Variants in PPP2R5C observed in about 807,000 individuals in gnomAD.
PPP2R5C encodes the protein serine/threonine-protein phosphatase 2A 56 kDa regulatory subunit gamma isoform.
A neutral mutation model predicts 68.9 loss-of-function variants in PPP2R5C; 7 were observed. That is an observed-to-expected ratio of 0.10 (90% CI 0.06 to 0.19). The LOEUF (loss-of-function observed/expected upper bound fraction) is 0.19, where lower values mean the gene tolerates loss of function less well. PPP2R5C is among the 10% of genes least tolerant of loss of function. The pLI is 1.00. For missense variants in PPP2R5C, 348 were observed against 641.3 expected, an observed-to-expected ratio of 0.54 and a Z score of 4.94; for synonymous variants, 210 against 222.2, an observed-to-expected ratio of 0.95 and a Z score of 0.49.
chr14:101,783,639 T>C (rs2037947861), intron 2 of PPP2R5C, among the ~76,000 whole-genome samples: 1 of 152,168 alleles, frequency 6.6e-6, no homozygotes, highest in Non-Finnish European at 1.5e-5. Flanking sequence ...TGTGTCCCCA[T>C]GGCAGTCAAG....
intron 2 of PPP2R5C, among the ~76,000 whole-genome samples, chr14:101,774,019 G>GTC (rs1323984139): frequency 6.6e-6 from 1 of 152,218 alleles, no homozygotes; most frequent in Non-Finnish European, 1.5e-5. Flanking sequence ...TATTCTGAGG[G>GTC]TCATGGGAAG....
At chr14:101,839,755 C>T (rs954124184) in intron 1 of PPP2R5C, among the ~76,000 whole-genome samples, 4 of 152,190 alleles carry the variant, frequency 2.6e-5, no homozygotes, top group Non-Finnish European at 5.9e-5. Context: ...TCGTAGCACA[C>T]ATGTCCAGTG....
At chr14:101,775,502 G>A (rs79282233) in intron 2 of PPP2R5C, among the ~76,000 whole-genome samples, 2,659 of 152,298 alleles carry the variant, frequency 0.017, 44 homozygotes, top group Middle Eastern at 0.037. Flanking sequence ...AGGGCACTTG[G>A]ACATTCGGGC....
intron 1 of PPP2R5C, among the ~76,000 whole-genome samples, chr14:101,844,957 C>T (rs761363831): frequency 7.9e-5 from 12 of 152,150 alleles, no homozygotes; most frequent in Non-Finnish European, 1.8e-4. Context: ...GAAGCGATAA[C>T]GGGCTGCACG....
upstream of PPP2R5C, among the ~76,000 whole-genome samples, chr14:101,761,388 C>T (rs1467955272): frequency 2.0e-5 from 3 of 151,884 alleles, no homozygotes; most frequent in Admixed American, 6.5e-5. Context: ...TGAGTCGGCT[C>T]AGCTCTGCTC....
At chr14:101,766,757 T>G (rs2036881914) in intron 2 of PPP2R5C, 1 of 152,238 alleles carries the variant, frequency 6.6e-6, no homozygotes, top group East Asian at 1.9e-4. Context: ...CACTTGAAGT[T>G]GGAAAATTCT....
At chr14:101,849,536 T>A (rs1303087993) in intron 1 of PPP2R5C, among the ~76,000 whole-genome samples, 1 of 146,748 alleles carries the variant, frequency 6.8e-6, no homozygotes, top group Admixed American at 6.8e-5. Context: ...GAAGTTTTCT[T>A]ACTGAGTTAT....
chr14:101,803,683 C>G (rs1206958503), intron 3 of PPP2R5C, among the ~76,000 whole-genome samples: 1 of 150,812 alleles, frequency 6.6e-6, no homozygotes, highest in Non-Finnish European at 1.5e-5. Context: ...GACATCGCAC[C>G]ACTGCACTTG....
chr14:101,895,390 A>G (rs975984292), intron 8 of PPP2R5C, among the ~76,000 whole-genome samples: 6 of 152,206 alleles, frequency 3.9e-5, no homozygotes, highest in Admixed American at 6.5e-5. Flanking sequence ...AATGACATTC[A>G]TAGTGTTGCG....
At chr14:101,812,051 G>A (rs539863022) in intron 1 of PPP2R5C, among the ~76,000 whole-genome samples, 4 of 152,226 alleles carry the variant, frequency 2.6e-5, no homozygotes, top group East Asian at 3.9e-4. Flanking sequence ...CAAACAGTGG[G>A]GGTAATTTCT....
At chr14:101,820,745 A>C (rs2040004458) in intron 1 of PPP2R5C, 1 of 152,202 alleles carries the variant, frequency 6.6e-6, no homozygotes, top group Non-Finnish European at 1.5e-5. Flanking sequence ...TTGAGTATTG[A>C]AGATACATGC....
At chr14:101,819,109 AT>A (rs1341190832) in intron 1 of PPP2R5C, 1 of 1,511,376 alleles carries the variant, frequency 6.6e-7, no homozygotes, top group Non-Finnish European at 9.0e-7. Flanking sequence ...GTGTCTGTAT[AT>A]GTGTGTTTAC....
At chr14:101,889,457 C>T (rs376558255) in intron 5 of PPP2R5C, among the ~76,000 whole-genome samples, 6 of 152,314 alleles carry the variant, frequency 3.9e-5, no homozygotes, top group South Asian at 2.1e-4. Context: ...ATTCAGCAGA[C>T]GTGTTTTCAG....
Position 101,879,792 on chromosome 14 carries a change from A to G in PPP2R5C, c.295-2369A>G, listed in dbSNP as rs1595453904. 6.6e-6 allele frequency among the ~76,000 whole-genome samples: 1 copy of G among 152,250 alleles called. No homozygotes were observed. Among genetic ancestry groups the G allele is most frequent in the African/African-American group, 2.4e-5 (1 of 41,470 alleles). On this transcript the variant is annotated intron_variant, in intron 2 of 13. Transcript: ENST00000334743. This position sits in a 1 kb window ranked among gnomAD's most constrained non-coding sequence, Gnocchi z 4.2. ...AGTTCACGAATGCCACACTCCCCGT[A>G]GGAGCTAAAGACTCAATTCAGACTT...
intron 13 of PPP2R5C, chr14:101,922,017 G>A (rs937427387): frequency 6.1e-6 from 6 of 985,346 alleles, no homozygotes; most frequent in Middle Eastern, 1.0e-3. Context: ...AACCACGCAA[G>A]TAAGGAAGGT....
chr14:101,925,385 C>G (rs911949266), exon 14 of PPP2R5C: 5 of 1,455,006 alleles, frequency 3.4e-6, no homozygotes, highest in African/African-American at 1.4e-5. Flanking sequence ...TCTTGGACCC[C>G]GTTCCGTAGG....
In PPP2R5C at chr14:101,797,935, C is replaced by T. The variant is rs116792213; in HGVS notation, c.259+11752C>T. Among the ~76,000 whole-genome samples the T allele has an allele frequency of 0.012, 1,756 of 152,208 alleles. 28 individuals are homozygous for T. Among genetic ancestry groups the T allele is most frequent in the African/African-American group, 0.04 (1,647 of 41,500 alleles). On this transcript the variant is annotated intron_variant, in intron 3 of 14. Transcript: ENST00000328724. The surrounding 1 kb of genome is among the most constrained non-coding windows in gnomAD (Gnocchi z 4.2). Reference sequence around the variant, plus strand: ...AGCTCGTCCATCCTCTTTAATCACTCCCAGGCCTCGCTCACACAGCAACAA... The same window carrying T: ...AGCTCGTCCATCCTCTTTAATCACTTCCAGGCCTCGCTCACACAGCAACAA...
upstream of PPP2R5C, chr14:101,761,811 C>T (rs2036554096): frequency 1.1e-6 from 1 of 933,150 alleles, no homozygotes. Context: ...GCCGCGGGGG[C>T]GCGACGGCCG....
Position 101,882,513 on chromosome 14 carries a change from G to A in PPP2R5C, c.405+242G>A, listed in dbSNP as rs1677989. On this transcript the variant is annotated intron_variant, in intron 3 of 13. Coordinates refer to ENST00000334743, the Ensembl canonical transcript of PPP2R5C. This position sits in a 1 kb window ranked among gnomAD's most constrained non-coding sequence, Gnocchi z 4.9. ...GAGTATGTTCTCAGTGAAGATGGCC[G>A]CTGTGTTGATGGCCGTTGAATTGAA... The A allele has an allele frequency of 6.6e-5, 24 of 361,082 alleles. No individual in the cohort carries two copies. Among genetic ancestry groups the A allele is most frequent in the East Asian group, 3.2e-4 (7 of 22,092 alleles). 22.4% of individuals were successfully genotyped at this position (361,082 alleles called of 1,614,324 possible).
Sources: allele counts gnomAD v4.1 joint callset (sites outside exome capture counted in the v4.1 genomes callset), GRCh38; gene constraint gnomAD v4.1.1; non-coding constraint Gnocchi (gnomAD v3.1); transcripts MANE v1.5; gene names NCBI Gene and HGNC (gene_info 2026-07-23, HGNC 2026-07-21).